LRRC8D: variants seen among roughly 807,000 people sequenced by gnomAD.
LRRC8D encodes volume-regulated anion channel subunit LRRC8D.
Under a neutral mutation model 55.8 loss-of-function variants are expected in LRRC8D, and 20 were observed. The observed-to-expected ratio is 0.36, with a 90% CI of 0.25 to 0.52. The LOEUF is 0.52. Ranked by LOEUF, LRRC8D falls within the 20% of genes least tolerant of loss-of-function variation. LRRC8D has a pLI of 0.93. For missense variants in LRRC8D, 651 were observed against 1,030.8 expected (o/e 0.63, Z 5.05); for synonymous variants, 352 against 377.0 (o/e 0.93, Z 0.77).
chr1:89,834,186 G>A (rs1226414667), intron 1 of LRRC8D, among the ~76,000 whole-genome samples: 1 of 152,220 alleles, frequency 6.6e-6, no homozygotes, highest in Non-Finnish European at 1.5e-5. Context: ...TGGGTCAGGA[G>A]AAAGGACTTT....
chr1:89,824,842 C>T (rs1402838471), intron 1 of LRRC8D, among the ~76,000 whole-genome samples: 1 of 152,200 alleles, frequency 6.6e-6, no homozygotes, highest in Non-Finnish European at 1.5e-5. Context: ...TACAGTAAGA[C>T]AGCTGTTTGC....
intron 2 of LRRC8D, among the ~76,000 whole-genome samples, chr1:89,855,949 C>A (rs1661541523): frequency 6.6e-6 from 1 of 151,938 alleles, no homozygotes; most frequent in South Asian, 2.1e-4. Context: ...AAAAATAAGT[C>A]TAATGCTAGT....
At chr1:89,846,056 G>A (rs772384945) in intron 2 of LRRC8D, among the ~76,000 whole-genome samples, 5 of 152,160 alleles carry the variant, frequency 3.3e-5, no homozygotes, top group African/African-American at 1.2e-4. Context: ...TGGGATTACA[G>A]GAGTGAGCCA....
chr1:89,855,780 C>T (rs1384691268), intron 2 of LRRC8D, among the ~76,000 whole-genome samples: 1 of 152,138 alleles, frequency 6.6e-6, no homozygotes, highest in Non-Finnish European at 1.5e-5. Context: ...AAAGTTAAAA[C>T]ATTGTTCATA....
At chr1:89,900,467 G>GATTTCTTAGTTTGCCTGATTT (rs1557475126) in intron 2 of LRRC8D, among the ~76,000 whole-genome samples, 3 of 151,950 alleles carry the variant, frequency 2.0e-5, no homozygotes, top group African/African-American at 7.3e-5. Context: ...TAGTTTGCCT[G>GATTTCTTAGTTTGCCTGATTT]CTACACAAAG....
intron 1 of LRRC8D, among the ~76,000 whole-genome samples, chr1:89,840,651 A>G (rs1201813748): frequency 6.6e-6 from 1 of 152,228 alleles, no homozygotes; most frequent in Admixed American, 6.5e-5. Context: ...CCTATATATC[A>G]TTAAATTATC....
At chr1:89,830,433 G>A (rs1159835613) in intron 1 of LRRC8D, among the ~76,000 whole-genome samples, 1 of 152,136 alleles carries the variant, frequency 6.6e-6, no homozygotes, top group East Asian at 1.9e-4. Context: ...TCTTTCACCT[G>A]TTCTAAATTC....
intron 2 of LRRC8D, among the ~76,000 whole-genome samples, chr1:89,913,277 C>T (rs537707913): frequency 6.6e-6 from 1 of 152,274 alleles, no homozygotes; most frequent in African/African-American, 2.4e-5. Flanking sequence ...TTGCACCTAG[C>T]TAAACTGGGT....
At chr1:89,919,679 G>T (rs1663361336) in intron 2 of LRRC8D, among the ~76,000 whole-genome samples, 1 of 152,328 alleles carries the variant, frequency 6.6e-6, no homozygotes, top group Middle Eastern at 3.4e-3. Flanking sequence ...AGTTTGGGAT[G>T]ACTTTCTCTG....
At chr1:89,846,175 A>G (rs959253555) in intron 2 of LRRC8D, among the ~76,000 whole-genome samples, 5 of 152,164 alleles carry the variant, frequency 3.3e-5, no homozygotes, top group African/African-American at 1.2e-4. Context: ...GCTCTAAGAT[A>G]CAGTAGAACA....
intron 1 of LRRC8D, among the ~76,000 whole-genome samples, chr1:89,823,400 G>A (rs547383514): frequency 1.2e-4 from 18 of 152,046 alleles, no homozygotes; most frequent in Non-Finnish European, 2.4e-4. Context: ...TTTATATTAT[G>A]CAGCATTTTT....
intron 2 of LRRC8D, among the ~76,000 whole-genome samples, chr1:89,878,527 G>A (rs561322042): frequency 2.6e-5 from 4 of 152,328 alleles, no homozygotes; most frequent in Middle Eastern, 3.4e-3. Flanking sequence ...GAGATGCATT[G>A]AACTTGCTTA....
At position 89,935,265 on chromosome 1, in the gene LRRC8D, T is replaced by G; in HGVS notation, c.2197T>G (p.Cys733Gly). Reference protein sequence around the residue: ...VAVFSLQKLRCLDVSYNNISM... With the variant: ...VAVFSLQKLRGLDVSYNNISM... ...AGTATTTAGTTTACAGAAACTCAGATGCTTAGATGTGAGCTACAACAACAT... is the reference window on the plus strand; with the variant it reads ...AGTATTTAGTTTACAGAAACTCAGAGGCTTAGATGTGAGCTACAACAACAT... The change falls in exon 3 of 3, where the codon TGC becomes GGC. Residue 733 changes from cysteine (C) to glycine (G), a missense_variant. Transcript: ENST00000337338. 1 of 1,614,152 alleles carries G rather than the reference T, an allele frequency of 6.2e-7. No individual in the cohort carries two copies. The highest frequency in any genetic ancestry group is 1.6e-4 in the Middle Eastern group (1 of 6,062).
chr1:89,830,066 C>T (rs1660851324), intron 1 of LRRC8D, among the ~76,000 whole-genome samples: 1 of 152,090 alleles, frequency 6.6e-6, no homozygotes, highest in Non-Finnish European at 1.5e-5. Context: ...TATAAAAAAA[C>T]TATATCTTCA....
chr1:89,840,220 C>T lies in LRRC8D; in HGVS notation c.-147-3418C>T, dbSNP rs76009594. ...ATATACATACACGTGCACACACACACGTGCGCATGCACACACACACACAAA... is the reference window on the plus strand; with the variant it reads ...ATATACATACACGTGCACACACACATGTGCGCATGCACACACACACACAAA... On this transcript the variant is annotated intron_variant, in intron 1 of 2. Transcript: ENST00000337338. 4.4e-3 allele frequency among the ~76,000 whole-genome samples: 639 copies of T among 144,170 alleles called. 6 individuals carry two copies. The highest frequency in any genetic ancestry group is 0.012 in the Admixed American group (174 of 14,396). 94.6% of individuals were successfully genotyped at this position (144,170 alleles called of 152,430 possible).
chr1:89,845,471 C>T (rs191470733), intron 2 of LRRC8D, among the ~76,000 whole-genome samples: 19 of 152,308 alleles, frequency 1.2e-4, no homozygotes, highest in Admixed American at 1.1e-3. Flanking sequence ...GTTTTTCATT[C>T]TGTCACCCAG....
chr1:89,836,782 T>C (rs1453224022), intron 1 of LRRC8D, among the ~76,000 whole-genome samples: 1 of 152,206 alleles, frequency 6.6e-6, no homozygotes, highest in Non-Finnish European at 1.5e-5. Flanking sequence ...GAAACTGAAC[T>C]TCTGTTTTTC....
chr1:89,933,385 C>T lies in LRRC8D; in HGVS notation c.317C>T (p.Thr106Ile), dbSNP rs1332664788. 1.2e-6 allele frequency: 2 copies of T among 1,614,148 alleles called. No homozygotes were observed. Among genetic ancestry groups the T allele is most frequent in the East Asian group, 4.5e-5 (2 of 44,888 alleles). The change falls in exon 3 of 3, where the codon ACA (threonine) becomes ATA (isoleucine). Residue 106 changes from threonine (T) to isoleucine (I), a missense_variant. By Grantham distance (89) the Thr-to-Ile change is moderately conservative. This residue lies in a region of LRRC8D where 118 missense variants were observed against 138.0 expected (regional missense o/e 0.85). Coordinates refer to ENST00000337338, the MANE Select transcript of LRRC8D (RefSeq NM_001134479.2). This position sits in a 1 kb window ranked among gnomAD's most constrained non-coding sequence, Gnocchi z 7.0. ...ATTTCCTTTGGGACATCTGCTGTGACACCTGACATACCTCTCAGAGCCACA... is the reference window on the plus strand; with the variant it reads ...ATTTCCTTTGGGACATCTGCTGTGATACCTGACATACCTCTCAGAGCCACA... ...NDISFGTSAVTPDIPLRATYP... is the reference protein window; with the variant it reads ...NDISFGTSAVIPDIPLRATYP...
At chr1:89,855,943 A>T (rs1313240348) in intron 2 of LRRC8D, among the ~76,000 whole-genome samples, 1 of 152,182 alleles carries the variant, frequency 6.6e-6, no homozygotes, top group Admixed American at 6.5e-5. Context: ...AACCACAAAA[A>T]TAAGTCTAAT....
Sources: gnomAD v4.1 joint callset for allele counts (sites outside exome capture counted in the v4.1 genomes callset) on GRCh38, gnomAD v4.1.1 for gene constraint, gnomAD v4.1.1 regional missense constraint, Gnocchi (gnomAD v3.1) non-coding constraint, MANE v1.5 for transcripts, NCBI Gene and HGNC (gene_info 2026-07-23, HGNC 2026-07-21) for gene names.